MBOAT2: variants seen among roughly 807,000 people sequenced by gnomAD.
The protein encoded by MBOAT2 is membrane-bound glycerophospholipid O-acyltransferase 2.
In MBOAT2, 28 loss-of-function variants were observed where a neutral mutation model predicts 63.4. The observed-to-expected ratio is 0.44, with a 90% CI of 0.33 to 0.61. The LOEUF (loss-of-function observed/expected upper bound fraction) is 0.61. MBOAT2 is among the 20% of genes least tolerant of loss of function. The probability of loss-of-function intolerance (pLI) is 0.03; values close to 1 mark genes in which losing one functional copy is unlikely to be tolerated. For missense variants in MBOAT2, 470 were observed against 605.8 expected (o/e 0.78, Z 2.35); for synonymous variants, 211 against 215.6 (o/e 0.98, Z 0.19).
intron 3 of MBOAT2, among the ~76,000 whole-genome samples, chr2:8,913,216 C>T (rs939628126): frequency 6.6e-6 from 1 of 152,008 alleles, no homozygotes; most frequent in South Asian, 2.1e-4. Flanking sequence ...AACCTAAGAC[C>T]TGAAACTATA....
At chr2:8,861,734 T>C (rs1399056141) in intron 11 of MBOAT2, among the ~76,000 whole-genome samples, 2 of 152,202 alleles carry the variant, frequency 1.3e-5, no homozygotes, top group African/African-American at 4.8e-5. Context: ...AAGAGACTTC[T>C]TCCATCTCTA....
chr2:8,989,845 C>T (rs963397858), intron 1 of MBOAT2, among the ~76,000 whole-genome samples: 2 of 152,206 alleles, frequency 1.3e-5, no homozygotes, highest in African/African-American at 4.8e-5. Flanking sequence ...AGATAACCAA[C>T]ACCTGATAAA....
chr2:8,882,388 G>T, intron 6 of MBOAT2, 123 bp downstream of exon 6: 3 of 966,094 alleles, frequency 3.1e-6, no homozygotes, highest in Non-Finnish European at 4.8e-6. Context: ...CATGGAGAGA[G>T]TGAGGCTTGA....
At chr2:8,967,720 T>C (rs558882775) in intron 1 of MBOAT2, among the ~76,000 whole-genome samples, 1 of 152,208 alleles carries the variant, frequency 6.6e-6, no homozygotes, top group African/African-American at 2.4e-5. Context: ...ATAACTAGAA[T>C]TCCAGTGATA....
At chr2:8,897,211 C>T (rs749926450) in intron 4 of MBOAT2, among the ~76,000 whole-genome samples, 12 of 146,188 alleles carry the variant, frequency 8.2e-5, no homozygotes, top group Non-Finnish European at 1.5e-4. Flanking sequence ...ATCTTTGTCT[C>T]TTCCTCTCTG....
At chr2:8,932,414 G>A (rs1667384492) in intron 3 of MBOAT2, among the ~76,000 whole-genome samples, 2 of 151,728 alleles carry the variant, frequency 1.3e-5, no homozygotes, top group South Asian at 4.1e-4. Context: ...AGAAGACAGA[G>A]AAGAAGCCAG....
intron 3 of MBOAT2, among the ~76,000 whole-genome samples, chr2:8,912,895 A>T (rs1188391257): frequency 2.0e-5 from 3 of 152,228 alleles, no homozygotes; most frequent in African/African-American, 7.2e-5. Context: ...AGCAAGACTA[A>T]GCAAAAAGGA....
At chr2:8,953,245 T>A (rs1668969549) in intron 2 of MBOAT2, among the ~76,000 whole-genome samples, 1 of 152,198 alleles carries the variant, frequency 6.6e-6, no homozygotes, top group South Asian at 2.1e-4. Flanking sequence ...GGTTATGAAA[T>A]TCTTGGTTGG....
intron 3 of MBOAT2, among the ~76,000 whole-genome samples, chr2:8,932,572 T>C (rs1160680697): frequency 6.6e-6 from 1 of 152,170 alleles, no homozygotes; most frequent in Non-Finnish European, 1.5e-5. Context: ...TCTCACTAAA[T>C]AAAGCAATCT....
chr2:8,954,503 C>T (rs1330328762), intron 2 of MBOAT2, among the ~76,000 whole-genome samples: 1 of 152,122 alleles, frequency 6.6e-6, no homozygotes, highest in African/African-American at 2.4e-5. Flanking sequence ...AGGGCAGCCA[C>T]CGAGAATGCA....
intron 6 of MBOAT2, among the ~76,000 whole-genome samples, chr2:8,877,684 T>G (rs1346322154): frequency 1.3e-5 from 2 of 152,226 alleles, no homozygotes; most frequent in African/African-American, 4.8e-5. Flanking sequence ...TGCTAAGTGT[T>G]ACAAAAAGAA....
intron 3 of MBOAT2, among the ~76,000 whole-genome samples, chr2:8,911,465 AAT>A (rs1388259579): frequency 2.0e-5 from 3 of 152,124 alleles, no homozygotes; most frequent in Non-Finnish European, 4.4e-5. Flanking sequence ...GCTGAAAGAA[AAT>A]TCTTGCTATG....
chr2:8,871,742 T>C (rs966217691), intron 8 of MBOAT2, among the ~76,000 whole-genome samples: 3 of 152,224 alleles, frequency 2.0e-5, no homozygotes, highest in African/African-American at 7.2e-5. Flanking sequence ...CTGAAAATAA[T>C]GAATCCAGCC....
intron 3 of MBOAT2, among the ~76,000 whole-genome samples, chr2:8,919,911 C>A (rs542626659): frequency 1.4e-4 from 22 of 152,014 alleles, no homozygotes; most frequent in Non-Finnish European, 2.8e-4. Context: ...TGCGCCACCA[C>A]ACTGGGGTAC....
rs547469191 is a variant in MBOAT2 at position 8,912,560 on chromosome 2, G to A, written c.300-3844C>T. On this transcript the variant is annotated intron_variant, in intron 3 of 12. Transcript: ENST00000305997. ...TTCTATACACCAACAGCAACAAAGC[G>A]GAGAACCAAATTAGTAATTCAACCC... 5.3e-5 allele frequency among the ~76,000 whole-genome samples: 8 copies of A among 152,042 alleles called. No individual in the cohort carries two copies. The South Asian group carries it at 6.2e-4, about 12-fold the overall frequency.
chr2:8,878,534 G>C (rs1012542565), intron 6 of MBOAT2, among the ~76,000 whole-genome samples: 1 of 152,280 alleles, frequency 6.6e-6, no homozygotes, highest in South Asian at 2.1e-4. Flanking sequence ...TTTTTAAAGA[G>C]CTAGGTCTTG....
At chr2:8,908,851 C>A in intron 3 of MBOAT2, 135 bp from the exon 4 acceptor site, 1 of 552,290 alleles carries the variant, frequency 1.8e-6, no homozygotes, top group Non-Finnish European at 3.2e-6. Flanking sequence ...AAACACCCTT[C>A]TTTAATAAAT....
At chr2:8,874,849 C>A (rs148436121) in intron 7 of MBOAT2, among the ~76,000 whole-genome samples, 86 of 152,272 alleles carry the variant, frequency 5.6e-4, no homozygotes, top group African/African-American at 2.0e-3. Context: ...CACATCATAG[C>A]CTTTGGTGCA....
At chr2:8,871,301 G>A (rs761074522) in intron 8 of MBOAT2, among the ~76,000 whole-genome samples, 15 of 152,162 alleles carry the variant, frequency 9.9e-5, no homozygotes, top group Non-Finnish European at 1.9e-4. Context: ...CCGGCCTAAT[G>A]ATAAATCTTG....
Sources: allele counts gnomAD v4.1 joint callset (sites outside exome capture counted in the v4.1 genomes callset), GRCh38; gene constraint gnomAD v4.1.1; transcripts MANE v1.5; gene names NCBI Gene and HGNC (gene_info 2026-07-23, HGNC 2026-07-21).